KSR2: variants seen among roughly 807,000 people sequenced by gnomAD.
KSR2 encodes kinase suppressor of ras 2.
In KSR2, 25 loss-of-function variants were observed where a neutral mutation model predicts 107.8. The observed-to-expected ratio is 0.23, with a 90% CI of 0.17 to 0.32. KSR2 has a LOEUF of 0.32. Among genes scored for constraint, KSR2 ranks in the 10% least tolerant of loss-of-function variants. KSR2 has a pLI of 1.00. For synonymous variants in KSR2, 480 were observed against 507.0 expected (o/e 0.95, Z 0.71); for missense variants, 887 against 1,268.9 (o/e 0.70, Z 4.57).
At chr12:117,725,276 C>A (rs1887380064) in intron 4 of KSR2, among the ~76,000 whole-genome samples, 1 of 152,116 alleles carries the variant, frequency 6.6e-6, no homozygotes, top group African/African-American at 2.4e-5. Flanking sequence ...GATGAAAAGA[C>A]AAGAGGCCAG....
At chr12:117,621,078 G>A (rs573348482) in intron 5 of KSR2, among the ~76,000 whole-genome samples, 1 of 152,114 alleles carries the variant, frequency 6.6e-6, no homozygotes, top group Admixed American at 6.6e-5. Flanking sequence ...TAATCCCCAC[G>A]TGTCAAGAGG....
chr12:117,534,012 C>A (rs569336208), intron 10 of KSR2, among the ~76,000 whole-genome samples: 1 of 152,238 alleles, frequency 6.6e-6, no homozygotes, highest in East Asian at 1.9e-4. Flanking sequence ...CTCTAAAGAA[C>A]AACTGGTGAC....
intron 1 of KSR2, among the ~76,000 whole-genome samples, chr12:117,941,510 G>A (rs1896005217): frequency 6.6e-6 from 1 of 150,618 alleles, no homozygotes; most frequent in Non-Finnish European, 1.5e-5. Flanking sequence ...TTGATGCACA[G>A]ATGTAGTAAA....
intron 4 of KSR2, among the ~76,000 whole-genome samples, chr12:117,734,749 CATGCATGGATGG>C (rs1009921989): frequency 6.7e-6 from 1 of 149,054 alleles, no homozygotes; most frequent in African/African-American, 2.5e-5. Context: ...TGCATGCATG[CATGCATGGATGG>C]ATGGATGGAT....
chr12:117,678,349 C>A (rs1487221930), intron 4 of KSR2, among the ~76,000 whole-genome samples: 1 of 151,944 alleles, frequency 6.6e-6, no homozygotes, highest in Non-Finnish European at 1.5e-5. Context: ...AGGATACTAC[C>A]CCCACCCCGC....
At chr12:117,648,947 G>A (rs376651370) in intron 5 of KSR2, among the ~76,000 whole-genome samples, 21 of 152,268 alleles carry the variant, frequency 1.4e-4, no homozygotes, top group Middle Eastern at 3.4e-3. Context: ...CTACAGATGC[G>A]CAACAGCTGA....
chr12:117,952,076 T>A (rs1195891192), intron 1 of KSR2, among the ~76,000 whole-genome samples: 1 of 151,988 alleles, frequency 6.6e-6, no homozygotes, highest in African/African-American at 2.4e-5. Flanking sequence ...GGGGATATAA[T>A]ATACAATGTG....
At position 117,453,771 on chromosome 12, in the gene KSR2, A is replaced by G. The variant is rs1391433186; in HGVS notation, c.*13428T>C. ...GAAACGTTGACCACCTAAGTCTGGG[A>G]TCTTCTCTGCCTGGTCCAGGTATGG... On this transcript the variant is annotated 3_prime_UTR_variant, in exon 20 of 20. Coordinates refer to ENST00000339824, the MANE Select transcript of KSR2 (RefSeq NM_173598.6). 6.6e-6 allele frequency: 1 copy of G among 152,194 alleles called. No homozygotes were observed. Among genetic ancestry groups the G allele is most frequent in the Non-Finnish European group, 1.5e-5 (1 of 68,038 alleles). 9.4% of individuals were successfully genotyped at this position (152,194 alleles called of 1,614,324 possible).
At chr12:117,814,305 T>G (rs1891296044) in intron 3 of KSR2, among the ~76,000 whole-genome samples, 1 of 152,182 alleles carries the variant, frequency 6.6e-6, no homozygotes, top group Non-Finnish European at 1.5e-5. Context: ...TCTGAGATGA[T>G]GAATATGGTA....
At chr12:117,693,227 A>C (rs894637822) in intron 4 of KSR2, among the ~76,000 whole-genome samples, 6 of 152,192 alleles carry the variant, frequency 3.9e-5, no homozygotes, top group Non-Finnish European at 7.3e-5. Context: ...CAGAACAAAT[A>C]AATAAAGACA....
intron 5 of KSR2, among the ~76,000 whole-genome samples, chr12:117,659,602 T>C (rs1321283848): frequency 6.6e-6 from 1 of 152,140 alleles, no homozygotes; most frequent in Non-Finnish European, 1.5e-5. Flanking sequence ...GAGAGAGCCA[T>C]TGGTTGGCAT....
intron 5 of KSR2, among the ~76,000 whole-genome samples, chr12:117,655,619 C>A (rs903627304): frequency 2.0e-5 from 3 of 152,238 alleles, no homozygotes; most frequent in Admixed American, 1.3e-4. Context: ...CACGACATTA[C>A]GTTCTGCTGG....
chr12:117,520,114 G>A (rs867908979), intron 14 of KSR2, among the ~76,000 whole-genome samples: 1 of 152,134 alleles, frequency 6.6e-6, no homozygotes. Context: ...TGTAGCTAAG[G>A]CGGCCATTGG....
At chr12:117,708,375 T>TC (rs553008431) in intron 4 of KSR2, among the ~76,000 whole-genome samples, 2 of 152,138 alleles carry the variant, frequency 1.3e-5, no homozygotes, top group African/African-American at 4.8e-5. Context: ...GGCTGAGATT[T>TC]CCCCCACTAG....
chr12:117,780,139 T>C (rs532848657), intron 3 of KSR2, among the ~76,000 whole-genome samples: 14 of 152,332 alleles, frequency 9.2e-5, no homozygotes, highest in Admixed American at 3.3e-4. Context: ...AAATAAAATA[T>C]ATTGTAAAAA....
At chr12:117,868,882 G>C (rs1893561838) in intron 1 of KSR2, among the ~76,000 whole-genome samples, 1 of 151,778 alleles carries the variant, frequency 6.6e-6, no homozygotes, top group Non-Finnish European at 1.5e-5. Context: ...TCCCGAGTAG[G>C]TGGGACCACA....
intron 4 of KSR2, among the ~76,000 whole-genome samples, chr12:117,738,662 G>A (rs1888040411): frequency 6.6e-6 from 1 of 151,884 alleles, no homozygotes; most frequent in Non-Finnish European, 1.5e-5. Flanking sequence ...ATTACTTGAG[G>A]TCAGGAGTTC....
chr12:117,753,820 A>T (rs1284450493), intron 4 of KSR2, among the ~76,000 whole-genome samples: 18 of 146,764 alleles, frequency 1.2e-4, no homozygotes, highest in Non-Finnish European at 1.5e-4. Context: ...TGAAAGTTAA[A>T]AAAAAAAAAA....
At chr12:117,700,798 C>T (rs757546152) in intron 4 of KSR2, among the ~76,000 whole-genome samples, 5 of 152,216 alleles carry the variant, frequency 3.3e-5, no homozygotes, top group Admixed American at 6.5e-5. Context: ...TTCATTCAGA[C>T]GACCGAAACA....
Sources: allele counts gnomAD v4.1 joint callset (sites outside exome capture counted in the v4.1 genomes callset), GRCh38; gene constraint gnomAD v4.1.1; transcripts MANE v1.5; gene names NCBI Gene and HGNC (gene_info 2026-07-23, HGNC 2026-07-21).